BRINP3: variants seen among roughly 807,000 people sequenced by gnomAD.
BRINP3 encodes the protein BMP/retinoic acid inducible neural specific 3.
A neutral mutation model predicts 71.0 loss-of-function variants in BRINP3; 19 were observed. The ratio of observed to expected loss-of-function variants is 0.27; its 90% CI spans 0.19 to 0.39. The LOEUF (loss-of-function observed/expected upper bound fraction) is 0.39. BRINP3 is among the 10% of genes least tolerant of loss of function. BRINP3 has a pLI of 1.00. For synonymous variants in BRINP3, 380 were observed against 337.7 expected (o/e 1.13, Z -1.37); for missense variants, 959 against 940.8 (o/e 1.02, Z -0.25).
rs890970798 is a variant in BRINP3, at chr1:190,121,006, A to G, written c.1185-21872T>C. ...GAATTGAAATCAAACTTGGGAAAAT[A>G]TAAACAAGAAAGATATCTTTTGGTA... On this transcript the variant is annotated intron_variant, in intron 7 of 7. Transcript: ENST00000367462. Among the ~76,000 whole-genome samples the G allele has an allele frequency of 8.5e-5, 13 of 152,340 alleles. No individual in the cohort carries two copies. The East Asian group carries it at 2.3e-3, about 27-fold the overall frequency.
chr1:190,104,037 GAC>G (rs1318121667), intron 7 of BRINP3, among the ~76,000 whole-genome samples: 1 of 151,542 alleles, frequency 6.6e-6, no homozygotes, highest in Non-Finnish European at 1.5e-5. Context: ...TTAGAATGAA[GAC>G]AAACTCAGAG....
intron 3 of BRINP3, among the ~76,000 whole-genome samples, chr1:190,267,813 A>T (rs1482373894): frequency 6.6e-6 from 1 of 152,072 alleles, no homozygotes; most frequent in Non-Finnish European, 1.5e-5. Flanking sequence ...GGTGTTACAG[A>T]ACACCTTCCC....
At chr1:190,452,660 A>G (rs1571350046) in intron 2 of BRINP3, among the ~76,000 whole-genome samples, 1 of 152,128 alleles carries the variant, frequency 6.6e-6, no homozygotes, top group African/African-American at 2.4e-5. Context: ...GAAGTTCAAA[A>G]CCAGCCTCAC....
intron 1 of BRINP3, among the ~76,000 whole-genome samples, chr1:190,459,198 A>T (rs1444075496): frequency 2.0e-5 from 3 of 151,416 alleles, no homozygotes; most frequent in Non-Finnish European, 4.4e-5. Context: ...CAAATCCTCA[A>T]TGGCCTTGAC....
chr1:190,448,150 G>C (rs1571338520), intron 2 of BRINP3, among the ~76,000 whole-genome samples: 1 of 151,694 alleles, frequency 6.6e-6, no homozygotes, highest in Non-Finnish European at 1.5e-5. Context: ...ACAATATGTA[G>C]TACTATTAAA....
At chr1:190,218,932 A>G (rs1222446484) in intron 6 of BRINP3, among the ~76,000 whole-genome samples, 5 of 152,124 alleles carry the variant, frequency 3.3e-5, no homozygotes, top group Admixed American at 2.0e-4. Context: ...TGAAGCCATC[A>G]TTGTGTTTTC....
chr1:190,413,650 G>T (rs1380531729), intron 2 of BRINP3, among the ~76,000 whole-genome samples: 1 of 152,074 alleles, frequency 6.6e-6, no homozygotes, highest in East Asian at 1.9e-4. Context: ...TCTTCACAGG[G>T]AGCACAGTTC....
chr1:190,439,007 A>G (rs575026904), intron 2 of BRINP3, among the ~76,000 whole-genome samples: 4 of 152,044 alleles, frequency 2.6e-5, no homozygotes, highest in South Asian at 4.1e-4. Flanking sequence ...TAGAAATTAA[A>G]GAGCTCTTTT....
At position 190,282,283 on chromosome 1, in the gene BRINP3, T is replaced by C. The variant is rs533169914; in HGVS notation, c.237-533A>G. 4.9e-4 allele frequency among the ~76,000 whole-genome samples: 74 copies of C among 151,826 alleles called. 1 individual carries two copies. Among genetic ancestry groups the C allele is most frequent in the African/African-American group, 1.7e-3 (72 of 41,500 alleles). ...TTAATAATCATGGTTTACAACATATTTGGAAACCCAAATTCAGCTATTGCA... is the reference window on the plus strand; with the variant it reads ...TTAATAATCATGGTTTACAACATATCTGGAAACCCAAATTCAGCTATTGCA... On this transcript the variant is annotated intron_variant, in intron 2 of 7. Transcript: ENST00000367462.
intron 2 of BRINP3, among the ~76,000 whole-genome samples, chr1:190,354,081 A>C (rs1418482906): frequency 6.6e-6 from 1 of 151,856 alleles, no homozygotes; most frequent in Non-Finnish European, 1.5e-5. Flanking sequence ...CTCTGTCACC[A>C]TGTCCCCTTC....
At chr1:190,275,751 C>T (rs115891066) in intron 3 of BRINP3, among the ~76,000 whole-genome samples, 2,297 of 151,452 alleles carry the variant, frequency 0.015, 72 homozygotes, top group African/African-American at 0.052. Flanking sequence ...TATCTTTTAC[C>T]TTGGTTGCCA....
At chr1:190,470,500 C>T (rs1397797630) in intron 1 of BRINP3, among the ~76,000 whole-genome samples, 3 of 150,968 alleles carry the variant, frequency 2.0e-5, no homozygotes, top group Admixed American at 6.6e-5. Flanking sequence ...GCAACCACAT[C>T]TCATCTGAGT....
chr1:190,436,071 A>G (rs1162111385), intron 2 of BRINP3, among the ~76,000 whole-genome samples: 1 of 151,930 alleles, frequency 6.6e-6, no homozygotes, highest in East Asian at 1.9e-4. Context: ...TTCCTGATTG[A>G]ATTATCCTTC....
chr1:190,465,198 T>G, intron 1 of BRINP3, among the ~76,000 whole-genome samples: 1 of 151,966 alleles, frequency 6.6e-6, no homozygotes, highest in East Asian at 1.9e-4. Flanking sequence ...AAAATATCAT[T>G]GTAAGATTCA....
intron 6 of BRINP3, among the ~76,000 whole-genome samples, chr1:190,178,628 A>G (rs1308919888): frequency 1.3e-5 from 2 of 152,196 alleles, no homozygotes; most frequent in African/African-American, 4.8e-5. Flanking sequence ...ATCACATCTC[A>G]GAGCATACAT....
At chr1:190,309,862 C>G (rs1665393029) in intron 2 of BRINP3, among the ~76,000 whole-genome samples, 1 of 151,600 alleles carries the variant, frequency 6.6e-6, no homozygotes, top group Non-Finnish European at 1.5e-5. Context: ...ATAAAAATAA[C>G]ATTTAAATCT....
chr1:190,457,978 T>C (rs1373293012), intron 1 of BRINP3, among the ~76,000 whole-genome samples: 1 of 152,014 alleles, frequency 6.6e-6, no homozygotes, highest in Non-Finnish European at 1.5e-5. Context: ...GTAATATGGT[T>C]ACAGTAGTGG....
chr1:190,224,266 A>C (rs1657134803), intron 6 of BRINP3, among the ~76,000 whole-genome samples: 1 of 151,988 alleles, frequency 6.6e-6, no homozygotes, highest in Non-Finnish European at 1.5e-5. Context: ...CAATCAAAAC[A>C]GCATAGTACT....
rs1553258876 is a variant in BRINP3, at chr1:190,203,421, G to GTGTA, written c.961+22660_961+22661insTACA. 1.5e-4 allele frequency among the ~76,000 whole-genome samples: 22 copies of GTGTA among 144,870 alleles called. No individual in the cohort carries two copies. In the South Asian group the frequency reaches 3.9e-3, roughly 26 times the overall value. On this transcript the variant is annotated intron_variant, in intron 6 of 7. Transcript: ENST00000367462. The stretch of plus-strand genomic sequence containing the variant: ...CAAATATATATATGTATGTGTGTGT[G>GTGTA]TATATATATATATATATGTATGTGT...
Sources: gnomAD v4.1 joint callset for allele counts (sites outside exome capture counted in the v4.1 genomes callset) on GRCh38, gnomAD v4.1.1 for gene constraint, MANE v1.5 for transcripts, NCBI Gene and HGNC (gene_info 2026-07-23, HGNC 2026-07-21) for gene names.